The following DHX37 variants were observed in gnomAD, a reference collection of about 807,000 sequenced individuals.
DHX37 encodes DEAH-box helicase 37, also known as probable ATP-dependent RNA helicase DHX37.
A neutral mutation model predicts 134.3 loss-of-function variants in DHX37; 52 were observed. The ratio of observed to expected loss-of-function variants is 0.39; its 90% CI spans 0.31 to 0.49. DHX37 has a LOEUF of 0.49. DHX37 is among the 20% of genes least tolerant of loss of function. DHX37 has a pLI of 0.93. For synonymous variants in DHX37, 634 were observed against 670.7 expected (o/e 0.95, Z 0.85); for missense variants, 1,344 against 1,580.8 (o/e 0.85, Z 2.54).
At chr12:124,955,048 T>C (rs966028222) in intron 18 of DHX37, among the ~76,000 whole-genome samples, 1 of 152,162 alleles carries the variant, frequency 6.6e-6, no homozygotes, top group African/African-American at 2.4e-5. Flanking sequence ...TAGCATCACG[T>C]GGGAGTCTTA....
intron 15 of DHX37, among the ~76,000 whole-genome samples, chr12:124,963,294 C>T (rs1236083538): frequency 6.6e-6 from 1 of 152,148 alleles, no homozygotes; most frequent in Non-Finnish European, 1.5e-5. Context: ...TCTGAATTGC[C>T]CACAACAGGC....
intron 14 of DHX37, 31 bp from the exon 15 acceptor site, chr12:124,964,657 C>T (rs754049502): frequency 1.9e-6 from 3 of 1,605,008 alleles, no homozygotes; most frequent in East Asian, 2.2e-5. Flanking sequence ...GGCAGGAAAA[C>T]ACCAGAATCA....
At chr12:124,977,599 G>A (rs1031526491) in intron 4 of DHX37, 109 bp from the exon 5 acceptor site, 2 of 1,279,904 alleles carry the variant, frequency 1.6e-6, no homozygotes, top group Non-Finnish European at 2.0e-6. Flanking sequence ...TGTGCCTGCT[G>A]GGGAACAGAG....
chr12:124,954,414 G>A (rs1243051267), intron 18 of DHX37, among the ~76,000 whole-genome samples: 2 of 147,604 alleles, frequency 1.4e-5, no homozygotes, highest in Middle Eastern at 3.4e-3. Context: ...TCTTTTTTTT[G>A]AGACAGAGTC....
rs1953888341 is a variant in DHX37 at position 124,946,840 on chromosome 12, A to G, written c.*962T>C. 6.6e-6 allele frequency: 1 copy of G among 152,274 alleles called. No homozygotes were observed. The highest frequency in any genetic ancestry group is 2.4e-5 in the African/African-American group (1 of 41,460). 9.4% of individuals were successfully genotyped at this position (152,274 alleles called of 1,614,324 possible). Reference sequence around the variant, plus strand: ...ACAACACAATCTGGGTGCAAGGAACATTTTATTCCATAACTGTCTCCACCG... The same window carrying G: ...ACAACACAATCTGGGTGCAAGGAACGTTTTATTCCATAACTGTCTCCACCG... On this transcript the variant is annotated 3_prime_UTR_variant, in exon 27 of 27. Transcript: ENST00000308736.
chr12:124,957,502 T>C (rs11831093), intron 16 of DHX37, among the ~76,000 whole-genome samples: 23,663 of 152,150 alleles, frequency 0.16, 4,677 homozygotes, highest in African/African-American at 0.47. Context: ...TACGAATAAA[T>C]TGGCCTGGTG....
At chr12:124,952,858 C>T (rs998188830) in intron 20 of DHX37, 1 of 251,568 alleles carries the variant, frequency 4.0e-6, no homozygotes, top group African/African-American at 2.2e-5. Context: ...GCCTCAGACT[C>T]AGTTCTGGTC....
In DHX37 at chr12:124,953,796, T is replaced by C. The variant is rs928886085; in HGVS notation, c.2695+84A>G. The C allele has an allele frequency of 2.5e-5, 39 of 1,547,766 alleles. No homozygotes were observed. In the Admixed American group the frequency reaches 5.8e-4, roughly 23 times the overall value. ...GCGTAGCAAGTTTGCAAACGTGGACTCTATGGATCACTTTTTTAAACATTT... is the reference window on the plus strand; with the variant it reads ...GCGTAGCAAGTTTGCAAACGTGGACCCTATGGATCACTTTTTTAAACATTT... On this transcript the variant is annotated intron_variant, in intron 20 of 26. Transcript: ENST00000308736.
intron 21 of DHX37, among the ~76,000 whole-genome samples, chr12:124,952,018 C>A (rs375113981): frequency 6.6e-6 from 1 of 151,958 alleles, no homozygotes; most frequent in African/African-American, 2.4e-5. Context: ...TGGTGGTGTG[C>A]CCCCTGCAGT....
intron 5 of DHX37, among the ~76,000 whole-genome samples, chr12:124,977,129 CACTT>C (rs1175460413): frequency 6.6e-6 from 1 of 152,152 alleles, no homozygotes; most frequent in Admixed American, 6.5e-5. Flanking sequence ...CAAGTTCACT[CACTT>C]AATCCACACG....
rs142273254 is a variant in DHX37, at chr12:124,980,595, C to A, written c.633G>T (p.Pro211=). 11 of 1,610,652 alleles carry A rather than the reference C, an allele frequency of 6.8e-6. No individual in the cohort carries two copies. Among genetic ancestry groups the A allele is most frequent in the Middle Eastern group, 2.0e-4 (1 of 5,086 alleles). ...PAPAPSSQPV[P]AGMTVPPPPA... ...GAGGAGGAGGAACAGTCATCCCAGC[C>A]GGCACGGGCTGACTGCTGGGTGCTG... The change falls in exon 4 of 27, where the codon CCG becomes CCT. Residue 211 remains proline (P), a synonymous_variant. Transcript: ENST00000308736. The surrounding 1 kb of genome is among the most constrained non-coding windows in gnomAD (Gnocchi z 5.3).
In DHX37 at chr12:124,953,865, G is replaced by A. The variant is rs199584529; in HGVS notation, c.2695+15C>T. 386 of 1,607,270 alleles carry A rather than the reference G, an allele frequency of 2.4e-4. No homozygotes were observed. The highest frequency in any genetic ancestry group is 1.3e-3 in the African/African-American group (100 of 74,888). Reference sequence around the variant, plus strand: ...TGCCCGCCGGGTGCAGCGGCGTGCCGGCACGGGGCCGTACCTGCGGTGGTC... The same window carrying A: ...TGCCCGCCGGGTGCAGCGGCGTGCCAGCACGGGGCCGTACCTGCGGTGGTC... On this transcript the variant is annotated intron_variant, in intron 20 of 26. Coordinates refer to ENST00000308736, the MANE Select transcript of DHX37 (RefSeq NM_032656.4).
Position 124,980,889 on chromosome 12 carries a change from A to C in DHX37, c.390-51T>G, listed in dbSNP as rs541009336. Reference sequence around the variant, plus strand: ...CACAGAGGCCCCACCTCAATCCCAGAGGTCAGGACTCCAAGGCCATACCCC... The same window carrying C: ...CACAGAGGCCCCACCTCAATCCCAGCGGTCAGGACTCCAAGGCCATACCCC... On this transcript the variant is annotated intron_variant, in intron 3 of 26. Coordinates refer to ENST00000308736, the MANE Select transcript of DHX37 (RefSeq NM_032656.4). The surrounding 1 kb of genome is among the most constrained non-coding windows in gnomAD (Gnocchi z 5.3). 6 of 1,527,722 alleles carry C rather than the reference A, an allele frequency of 3.9e-6. No homozygotes were observed. The highest frequency in any genetic ancestry group is 4.4e-6 in the Non-Finnish European group (5 of 1,142,960). The allele number at this position is 1,527,722 out of a possible 1,614,324, so 94.6% of individuals were successfully genotyped here. A position where few individuals can be genotyped will look rare whatever the true frequency, so the allele number is the denominator to read the frequency against.
intron 17 of DHX37, 62 bp downstream of exon 17, chr12:124,956,967 A>C (rs1594477856): frequency 1.3e-6 from 2 of 1,524,502 alleles, no homozygotes; most frequent in South Asian, 2.6e-5. Context: ...GCTCAGGCCC[A>C]GCAAAAGGGA....
chr12:124,977,533 T>C (rs377696027), intron 4 of DHX37, 43 bp from the exon 5 acceptor site: 35 of 1,542,610 alleles, frequency 2.3e-5, no homozygotes, highest in African/African-American at 2.8e-5. Flanking sequence ...AGCAAGACTA[T>C]AGACAGTGAT....
chr12:124,950,250 G>A lies in DHX37; in HGVS notation c.3122-7C>T, dbSNP rs762530333. On this transcript the variant is annotated splice_polypyrimidine_tract_variant and splice_region_variant and intron_variant, in intron 23 of 26. Transcript: ENST00000308736. Reference sequence around the variant, plus strand: ...AGCGGCCAGCCCACGCGATCTAGAAGGTGGGAGCCAGTGAGACAGGGACCC... The same window carrying A: ...AGCGGCCAGCCCACGCGATCTAGAAAGTGGGAGCCAGTGAGACAGGGACCC... 29 of 1,613,334 alleles carry A rather than the reference G, an allele frequency of 1.8e-5. No homozygotes were observed. The highest frequency in any genetic ancestry group is 3.3e-4 in the Middle Eastern group (2 of 6,080).
chr12:124,972,710 C>G, intron 6 of DHX37, 111 bp from the exon 7 acceptor site: 1 of 947,408 alleles, frequency 1.1e-6, no homozygotes, highest in African/African-American at 1.6e-5. Flanking sequence ...GGGCAGGGCC[C>G]GCTGGCAACC....
intron 2 of DHX37, 35 bp from the exon 3 acceptor site, chr12:124,982,658 A>G (rs1375323245): frequency 6.2e-7 from 1 of 1,603,044 alleles, no homozygotes; most frequent in East Asian, 2.2e-5. Context: ...TGCATTTGCC[A>G]TCACGACCCT....
chr12:124,953,803 A>G (rs1954023966), intron 20 of DHX37, 77 bp downstream of exon 20: 2 of 1,565,742 alleles, frequency 1.3e-6, no homozygotes, highest in Non-Finnish European at 1.7e-6. Flanking sequence ...GACTCTATGG[A>G]TCACTTTTTT....
Sources: allele counts gnomAD v4.1 joint callset (sites outside exome capture counted in the v4.1 genomes callset), GRCh38; gene constraint gnomAD v4.1.1; non-coding constraint Gnocchi (gnomAD v3.1); transcripts MANE v1.5; gene names NCBI Gene and HGNC (gene_info 2026-07-23, HGNC 2026-07-21).